The following PON1 variants were observed in gnomAD, a reference collection of about 807,000 sequenced individuals.
PON1 encodes the protein serum paraoxonase/arylesterase 1.
In PON1, 37 loss-of-function variants were observed where a neutral mutation model predicts 39.2. The ratio of observed to expected loss-of-function variants is 0.94; its 90% confidence interval spans 0.73 to 1.24. The LOEUF (loss-of-function observed/expected upper bound fraction) is 1.24. PON1 is among the 50% of genes most tolerant of loss of function. The pLI, the probability that PON1 is intolerant of heterozygous loss-of-function variation, is 0.00. For synonymous variants in PON1, 148 were observed against 152.2 expected (o/e 0.97, Z 0.21); for missense variants, 397 against 413.5 (o/e 0.96, Z 0.35).
At chr7:95,305,254 G>GT in intron 7 of PON1, among the ~76,000 whole-genome samples, 1 of 152,136 alleles carries the variant, frequency 6.6e-6, no homozygotes, top group Non-Finnish European at 1.5e-5. Flanking sequence ...ACGTCTTGCT[G>GT]TTTTTCGGAG....
intron 6 of PON1, among the ~76,000 whole-genome samples, chr7:95,307,073 TAA>T (rs869261951): frequency 0.086 from 6,129 of 71,612 alleles, 442 homozygotes; most frequent in African/African-American, 0.33. Flanking sequence ...TTTTTTTTTT[TAA>T]AAAAAAACAG....
At chr7:95,309,017 G>A (rs1416658653) in intron 5 of PON1, among the ~76,000 whole-genome samples, 1 of 152,130 alleles carries the variant, frequency 6.6e-6, no homozygotes, top group African/African-American at 2.4e-5. Flanking sequence ...GGCATGATCT[G>A]GGAGAAAATT....
intron 7 of PON1, among the ~76,000 whole-genome samples, chr7:95,303,649 C>T (rs1807480658): frequency 6.6e-6 from 1 of 152,212 alleles, no homozygotes; most frequent in Admixed American, 6.5e-5. Flanking sequence ...AGACACAGCT[C>T]ATGCCATGGA....
chr7:95,308,508 G>A (rs1457692244), intron 5 of PON1, among the ~76,000 whole-genome samples: 1 of 147,010 alleles, frequency 6.8e-6, no homozygotes, highest in Non-Finnish European at 1.5e-5. Flanking sequence ...GTGTGTGTGT[G>A]TGTATCTGTG....
At position 95,298,104 on chromosome 7, in the gene PON1, C is replaced by T. The variant is rs897283246; in HGVS notation, c.*840G>A. 1 of 152,136 alleles carries T rather than the reference C, an allele frequency of 6.6e-6. No individual in the cohort carries two copies. Among genetic ancestry groups the T allele is most frequent in the African/African-American group, 2.4e-5 (1 of 41,410 alleles). The allele number at this position is 152,136 out of a possible 1,614,324, so 9.4% of individuals were successfully genotyped here. A position where few individuals can be genotyped will look rare whatever the true frequency, so the allele number is the denominator to read the frequency against. On this transcript the variant is annotated 3_prime_UTR_variant, in exon 9 of 9. Coordinates refer to ENST00000222381, the MANE Select transcript of PON1 (RefSeq NM_000446.7). ...TTAAACAAAAACCCACCAGCACTACCACCACCTCAACAACAGTGTAGTCTT... is the reference window on the plus strand; with the variant it reads ...TTAAACAAAAACCCACCAGCACTACTACCACCTCAACAACAGTGTAGTCTT...
chr7:95,309,612 C>T (rs573580476), intron 5 of PON1, among the ~76,000 whole-genome samples: 1 of 152,258 alleles, frequency 6.6e-6, no homozygotes, highest in Admixed American at 6.5e-5. Flanking sequence ...CATCCTGACA[C>T]TGCTTGCTAT....
chr7:95,314,964 T>C lies in PON1; in HGVS notation c.370+358A>G, dbSNP rs563482607. Among the ~76,000 whole-genome samples the C allele has an allele frequency of 3.9e-5, 6 of 152,302 alleles. No homozygotes were observed. In the East Asian group the frequency reaches 1.2e-3, roughly 29 times the overall value. The stretch of plus-strand genomic sequence containing the variant: ...ACTGGACCTATAGCTTACAGATGCC[T>C]TGGGTTAGAAAAATCTGTTCCTGTA... On this transcript the variant is annotated intron_variant, in intron 4 of 8. Coordinates refer to ENST00000222381, the MANE Select transcript of PON1 (RefSeq NM_000446.7).
At chr7:95,313,618 ATGTGTGTGTGTG>A (rs3046663) in intron 4 of PON1, among the ~76,000 whole-genome samples, 8 of 147,292 alleles carry the variant, frequency 5.4e-5, no homozygotes, top group South Asian at 4.4e-4. Flanking sequence ...ATATATGTAT[ATGTGTGTGTGTG>A]TGTGTGTGTG....
intron 7 of PON1, among the ~76,000 whole-genome samples, chr7:95,304,176 A>G (rs778988384): frequency 6.6e-6 from 1 of 152,058 alleles, no homozygotes; most frequent in Non-Finnish European, 1.5e-5. Context: ...TCACCATTCT[A>G]TTCTATTTTC....
intron 2 of PON1, 55 bp from the exon 3 acceptor site, chr7:95,316,844 G>T (rs1807780213): frequency 7.1e-7 from 1 of 1,403,672 alleles, no homozygotes; most frequent in Non-Finnish European, 1.0e-6. Flanking sequence ...GCAGGATGTG[G>T]ATCCATTTCT....
intron 1 of PON1, among the ~76,000 whole-genome samples, chr7:95,320,272 T>C (rs954510790): frequency 6.6e-5 from 10 of 152,284 alleles, no homozygotes; most frequent in Admixed American, 2.0e-4. Flanking sequence ...TCACAAAAGA[T>C]GGAGAAAGGC....
intron 5 of PON1, among the ~76,000 whole-genome samples, chr7:95,309,328 G>A (rs1322513889): frequency 7.3e-6 from 1 of 136,294 alleles, no homozygotes; most frequent in East Asian, 2.4e-4. Context: ...AAAAAAAAAA[G>A]GTCTCGGAAT....
intron 1 of PON1, among the ~76,000 whole-genome samples, chr7:95,320,547 T>C (rs1373135795): frequency 1.3e-5 from 2 of 152,224 alleles, no homozygotes; most frequent in African/African-American, 4.8e-5. Flanking sequence ...CCCTAAGTTA[T>C]AGTTGACCAA....
At chr7:95,305,845 G>A (rs1416207443) in intron 7 of PON1, among the ~76,000 whole-genome samples, 1 of 151,878 alleles carries the variant, frequency 6.6e-6, no homozygotes, top group Non-Finnish European at 1.5e-5. Context: ...GTGAGCACGT[G>A]GACTTCATAA....
chr7:95,319,939 T>C (rs1480098873), intron 1 of PON1, among the ~76,000 whole-genome samples: 3 of 152,354 alleles, frequency 2.0e-5, no homozygotes, highest in Non-Finnish European at 4.4e-5. Flanking sequence ...GTTTTATTTA[T>C]TTTTAAATGT....
intron 8 of PON1, among the ~76,000 whole-genome samples, chr7:95,299,660 C>G (rs368897732): frequency 6.6e-6 from 1 of 152,174 alleles, no homozygotes; most frequent in African/African-American, 2.4e-5. Context: ...CTACATCTTT[C>G]TCCCATGCTG....
intron 7 of PON1, among the ~76,000 whole-genome samples, chr7:95,304,327 CT>C (rs34709624): frequency 0.085 from 9,263 of 109,402 alleles, 373 homozygotes; most frequent in African/African-American, 0.14. Context: ...AACTTCATTC[CT>C]TTTTTTTTTT....
rs770841829 is a variant in PON1 at position 95,302,096 on chromosome 7, C to CAAAAAA, written c.909+103_909+108dup. 5.5e-3 allele frequency: 1,761 copies of CAAAAAA among 320,642 alleles called. 93 individuals are homozygous for CAAAAAA. Among genetic ancestry groups the CAAAAAA allele is most frequent in the African/African-American group, 0.045 (895 of 19,682 alleles). The allele number at this position is 320,642 out of a possible 1,614,324, so 19.9% of individuals were successfully genotyped here. A position where few individuals can be genotyped will look rare whatever the true frequency, so the allele number is the denominator to read the frequency against. On this transcript the variant is annotated intron_variant, in intron 8 of 8. Transcript: ENST00000222381. ...TGGGCGACAGAGCGATACTCTGTCA[C>CAAAAAA]AAAAAAAAAAAAAAAAAAAAAAAAA...
Position 95,299,081 on chromosome 7 carries a change from G to C in PON1, c.931C>G (p.Leu311Val), listed in dbSNP as rs754968907. The stretch of plus-strand genomic sequence containing the variant: ...TGTGTCACTTTAGGTTCTTCTGTTA[G>C]AATGTTCTGGATTCGAAGCACCTGT... Reference protein sequence around the residue: ...ASEVLRIQNILTEEPKVTQVY... With the variant: ...ASEVLRIQNIVTEEPKVTQVY... The change falls in exon 9 of 9, where the codon CTA becomes GTA. Residue 311 changes from leucine to valine, a missense_variant. Physicochemically the swap from Leu to Val is conservative, Grantham distance 32 (BLOSUM62 1). Transcript: ENST00000222381. 8 of 1,614,126 alleles carry C rather than the reference G, an allele frequency of 5.0e-6. No homozygotes were observed. The Admixed American group carries it at 1.2e-4, about 24-fold the overall frequency.
Sources: allele counts gnomAD v4.1 joint callset (sites outside exome capture counted in the v4.1 genomes callset), GRCh38; gene constraint gnomAD v4.1.1; transcripts MANE v1.5; gene names NCBI Gene and HGNC (gene_info 2026-07-23, HGNC 2026-07-21).